Variants in KLHL29 observed in about 807,000 individuals in gnomAD.
KLHL29 encodes kelch-like protein 29.
A neutral mutation model predicts 80.4 loss-of-function variants in KLHL29; 21 were observed. The observed-to-expected ratio is 0.26, with a 90% CI of 0.19 to 0.38. The LOEUF (loss-of-function observed/expected upper bound fraction) is 0.38, where lower values mean the gene tolerates loss of function less well. Ranked by LOEUF, KLHL29 falls within the 10% of genes least tolerant of loss-of-function variation. The pLI, the probability that KLHL29 is intolerant of heterozygous loss-of-function variation, is 1.00. For missense variants in KLHL29, 867 were observed against 1,223.9 expected (o/e 0.71, Z 4.35); for synonymous variants, 511 against 526.8 (o/e 0.97, Z 0.41).
At chr2:23,406,022 T>G (rs528215121) in intron 1 of KLHL29, among the ~76,000 whole-genome samples, 1 of 152,274 alleles carries the variant, frequency 6.6e-6, no homozygotes, top group African/African-American at 2.4e-5. Context: ...AACAAAGTAA[T>G]AATCTCTAAT....
intron 2 of KLHL29, among the ~76,000 whole-genome samples, chr2:23,512,043 G>A (rs1006296630): frequency 2.6e-5 from 4 of 152,178 alleles, no homozygotes; most frequent in Admixed American, 6.5e-5. Flanking sequence ...TGGCGGTGAC[G>A]GAACCCGCAG....
intron 2 of KLHL29, among the ~76,000 whole-genome samples, chr2:23,484,789 A>G (rs894408883): frequency 2.6e-5 from 4 of 152,278 alleles, no homozygotes; most frequent in Admixed American, 2.6e-4. Flanking sequence ...AGATAAAGGA[A>G]ATCTGGCCTG....
At chr2:23,575,552 C>A (rs1436815635) in intron 3 of KLHL29, among the ~76,000 whole-genome samples, 1 of 152,214 alleles carries the variant, frequency 6.6e-6, no homozygotes, top group Non-Finnish European at 1.5e-5. Flanking sequence ...GTGAACCCTC[C>A]CCAGTCTCAC....
At chr2:23,525,735 C>A (rs1175317820) in intron 2 of KLHL29, among the ~76,000 whole-genome samples, 1 of 20,822 alleles carries the variant, frequency 4.8e-5, no homozygotes, top group African/African-American at 2.3e-4. Context: ...TGCCCCCCCC[C>A]CCCACCCGAG....
rs528145243 is a variant in KLHL29 at position 23,489,664 on chromosome 2, G to T, written c.-46+13997G>T. 2.4e-3 allele frequency among the ~76,000 whole-genome samples: 371 copies of T among 152,072 alleles called. 2 individuals carry two copies. The highest frequency in any genetic ancestry group is 6.9e-3 in the Admixed American group (106 of 15,280). On this transcript the variant is annotated intron_variant, in intron 2 of 13. Coordinates refer to ENST00000486442, the MANE Select transcript of KLHL29 (RefSeq NM_052920.2). ...TCCACTCTGGGATGGGGGCATGGTG[G>T]TGGCAAGGCCCTTCCTGCAGGGACG...
chr2:23,523,971 T>C (rs1480370097), intron 2 of KLHL29: 2 of 471,500 alleles, frequency 4.2e-6, no homozygotes, highest in Non-Finnish European at 4.4e-6. Flanking sequence ...GAAGATTCCA[T>C]GCGTCTTTCG....
chr2:23,387,388 CAG>C, intron 1 of KLHL29, among the ~76,000 whole-genome samples: 1 of 152,332 alleles, frequency 6.6e-6, no homozygotes, highest in African/African-American at 2.4e-5. Flanking sequence ...CTAGTCACTA[CAG>C]AGTTTCTTCC....
chr2:23,413,873 C>CTG (rs1666922870), intron 1 of KLHL29, among the ~76,000 whole-genome samples: 1 of 152,142 alleles, frequency 6.6e-6, no homozygotes, highest in Non-Finnish European at 1.5e-5. Context: ...GTGCACCCTG[C>CTG]TGTGGGGTAA....
At chr2:23,465,242 G>A (rs1261748997) in intron 1 of KLHL29, among the ~76,000 whole-genome samples, 1 of 152,190 alleles carries the variant, frequency 6.6e-6, no homozygotes, top group Non-Finnish European at 1.5e-5. Flanking sequence ...GCTAGTCCTG[G>A]CAGCGTTTGG....
chr2:23,667,069 G>T (rs1481090273), intron 5 of KLHL29: 1 of 152,246 alleles, frequency 6.6e-6, no homozygotes, highest in African/African-American at 2.4e-5. Context: ...TAATAGAGAT[G>T]TCTGTTCTGG....
At chr2:23,453,634 C>A (rs6544861) in intron 1 of KLHL29, among the ~76,000 whole-genome samples, 25,030 of 152,090 alleles carry the variant, frequency 0.16, 3,247 homozygotes, top group African/African-American at 0.34. Context: ...GAGAAATGGA[C>A]GGCAGCGGCC....
intron 2 of KLHL29, among the ~76,000 whole-genome samples, 159 bp downstream of exon 2, chr2:23,475,826 C>G (rs1664626641): frequency 1.3e-5 from 2 of 152,212 alleles, no homozygotes; most frequent in African/African-American, 4.8e-5. Flanking sequence ...CGTGTGTGAT[C>G]AACTGGTACT....
intron 1 of KLHL29, among the ~76,000 whole-genome samples, chr2:23,412,185 G>A (rs922500626): frequency 6.6e-6 from 1 of 150,880 alleles, no homozygotes; most frequent in Non-Finnish European, 1.5e-5. Flanking sequence ...TGAGACCACT[G>A]GGCTGGACAG....
chr2:23,618,123 A>G (rs1669069492), intron 3 of KLHL29: 3 of 152,178 alleles, frequency 2.0e-5, no homozygotes, highest in African/African-American at 7.2e-5. Flanking sequence ...AAGTTCCGTC[A>G]TCATGGAAGG....
chr2:23,606,202 G>GGAGAGAGAGAGAGAGGC (rs1558406077), intron 3 of KLHL29, among the ~76,000 whole-genome samples: 2 of 143,986 alleles, frequency 1.4e-5, no homozygotes, highest in Admixed American at 6.9e-5. Context: ...GAGAGAGAGG[G>GGAGAGAGAGAGAGAGGC]AGAGAGAGAG....
At chr2:23,423,371 G>A (rs552334255) in intron 1 of KLHL29, among the ~76,000 whole-genome samples, 4 of 152,300 alleles carry the variant, frequency 2.6e-5, no homozygotes, top group East Asian at 3.9e-4. Flanking sequence ...TCTCTTCACC[G>A]AAGGGGTCCC....
intron 2 of KLHL29, among the ~76,000 whole-genome samples, chr2:23,517,544 C>A (rs1665975604): frequency 6.6e-6 from 1 of 152,232 alleles, no homozygotes; most frequent in Admixed American, 6.5e-5. Flanking sequence ...GACTCCGTCT[C>A]AATAAATAAA....
At chr2:23,654,408 C>T (rs984178864) in intron 5 of KLHL29, among the ~76,000 whole-genome samples, 1 of 152,202 alleles carries the variant, frequency 6.6e-6, no homozygotes, top group African/African-American at 2.4e-5. Flanking sequence ...CCTAATCCAT[C>T]TGCTCATGTG....
At chr2:23,598,814 G>C (rs1450561159) in intron 3 of KLHL29, among the ~76,000 whole-genome samples, 1 of 152,172 alleles carries the variant, frequency 6.6e-6, no homozygotes, top group Non-Finnish European at 1.5e-5. Context: ...ATAGTTCCGA[G>C]TGGCCAGCAT....
Sources: allele counts gnomAD v4.1 joint callset (sites outside exome capture counted in the v4.1 genomes callset), GRCh38; gene constraint gnomAD v4.1.1; transcripts MANE v1.5; gene names NCBI Gene and HGNC (gene_info 2026-07-23, HGNC 2026-07-21).